Variants in IL17REL observed in about 807,000 individuals in gnomAD.
IL17REL encodes interleukin-17 receptor E-like protein.
In IL17REL, 36 loss-of-function variants were observed where a neutral mutation model predicts 49.0. The observed-to-expected ratio is 0.73, with a 90% confidence interval of 0.56 to 0.97. The LOEUF (loss-of-function observed/expected upper bound fraction) is 0.97. IL17REL is among the 50% of genes least tolerant of loss of function. The pLI, the probability that IL17REL is intolerant of heterozygous loss-of-function variation, is 0.00. For missense variants in IL17REL, 470 were observed against 453.9 expected (o/e 1.04, Z -0.32); for synonymous variants, 206 against 192.4 (o/e 1.07, Z -0.58).
chr22:49,997,927 G>T, intron 9 of IL17REL, 98 bp downstream of exon 11: 1 of 1,505,392 alleles, frequency 6.6e-7, no homozygotes, highest in Non-Finnish European at 9.1e-7. Context: ...GGGAGGCTAG[G>T]CTCCAGGGCT....
At chr22:49,997,588 G>T in intron 10 of IL17REL, 97 bp downstream of exon 12, 2 of 1,442,822 alleles carry the variant, frequency 1.4e-6, no homozygotes, top group Non-Finnish European at 1.9e-6. Flanking sequence ...CCCCACACTG[G>T]CTTGGCACCG....
intron 11 of IL17REL, 122 bp from the exon 14 acceptor site, chr22:49,997,196 A>C (rs2061040750): frequency 2.2e-6 from 3 of 1,376,390 alleles, no homozygotes; most frequent in Admixed American, 2.1e-5. Context: ...CCTCCCTGCC[A>C]GGTAGACTAG....
intron 1 of IL17REL, among the ~76,000 whole-genome samples, chr22:50,002,074 A>G (rs944990369): frequency 2.0e-5 from 3 of 152,218 alleles, no homozygotes; most frequent in African/African-American, 7.2e-5. Context: ...GTTCCAGGCA[A>G]GATTAGGCAG....
intron 10 of IL17REL, 22 bp downstream of exon 12, chr22:49,997,663 G>A (rs1210436768): frequency 1.6e-5 from 25 of 1,608,054 alleles, no homozygotes; most frequent in South Asian, 4.4e-5. Context: ...TCCACATTGC[G>A]TAGGCCTCAT....
chr22:50,007,426 A>G (rs1266577478), intron 1 of IL17REL, among the ~76,000 whole-genome samples: 1 of 152,158 alleles, frequency 6.6e-6, no homozygotes, highest in Non-Finnish European at 1.5e-5. Flanking sequence ...GCTGGAGTGC[A>G]ATGGTGCAAT....
rs763692273 is a variant in IL17REL, at chr22:49,999,460, T to C, written c.517A>G (p.Ser173Gly). 6.2e-6 allele frequency: 10 copies of C among 1,611,358 alleles called. No homozygotes were observed. The South Asian group carries it at 1.1e-4, about 18-fold the overall frequency. ...AGGCACAGGCACGGCAGCTCCTGGC[T>C]GTAGGGCAGGAAGACGGCCTGGGAG... is the stretch of plus-strand genomic sequence containing the variant. The change falls in exon 6 of 13, where the codon AGC becomes GGC. Residue 173 changes from serine (S) to glycine (G), a missense_variant. Coordinates refer to ENST00000341280, the Ensembl canonical transcript of IL17REL.
chr22:50,002,299 C>T (rs1334236934), intron 1 of IL17REL, among the ~76,000 whole-genome samples: 1 of 152,154 alleles, frequency 6.6e-6, no homozygotes, highest in Non-Finnish European at 1.5e-5. Context: ...TGGAGTGCTC[C>T]TTCGCTTCAG....
intron 2 of IL17REL, 21 bp downstream of exon 3, chr22:50,001,061 A>G (rs1308683305): frequency 3.2e-6 from 5 of 1,545,236 alleles, no homozygotes; most frequent in Non-Finnish European, 4.4e-6. Flanking sequence ...GTTAACTCCC[A>G]CCCTCGAGGC....
exon 8 of IL17REL, chr22:49,998,192 C>G: frequency 6.2e-7 from 1 of 1,611,494 alleles, no homozygotes. Context: ...GGCCCCCGGC[C>G]CCGGGCGCCA....
intron 1 of IL17REL, among the ~76,000 whole-genome samples, chr22:50,002,280 C>T (rs1321658966): frequency 6.6e-6 from 1 of 152,302 alleles, no homozygotes; most frequent in African/African-American, 2.4e-5. Flanking sequence ...TCGGCCTGCT[C>T]CCGCTCTGTG....
rs748134034 is a variant in IL17REL, at chr22:49,999,863, G to A, written c.439C>T (p.Arg147Trp). ...GCGCCGGCGTCCTCGCAGGTGAACC[G>A]CTTGAGGCAGAGCCGCAGGTAGTAG... The change falls in exon 5 of 13, where the codon CGG becomes TGG. Residue 147 changes from arginine to tryptophan, a missense_variant. Transcript: ENST00000341280. The A allele has an allele frequency of 6.5e-6, 10 of 1,540,980 alleles. No individual in the cohort carries two copies. In the South Asian group the frequency reaches 9.7e-5, roughly 15 times the overall value.
exon 3 of IL17REL, chr22:50,000,759 G>T: frequency 6.3e-7 from 1 of 1,586,688 alleles, no homozygotes. Context: ...CTCACCTGCT[G>T]CCCCCCCTGC....
upstream of IL17REL, among the ~76,000 whole-genome samples, chr22:50,010,799 G>A (rs2061135861): frequency 9.0e-6 from 1 of 111,080 alleles, no homozygotes; most frequent in African/African-American, 3.9e-5. Context: ...GCGCTGGGGG[G>A]AAGGTGGGGG....
rs1199462350 is a variant in IL17REL at position 49,997,752 on chromosome 22, G to A, written c.820-10C>T. The stretch of plus-strand genomic sequence containing the variant: ...CCCAACTGGTAGAGAACTGCAAAGT[G>A]GGGTGAGGGGTGCAGGAGGGTGGAG... On this transcript the variant is annotated splice_polypyrimidine_tract_variant and intron_variant, in intron 9 of 12. Transcript: ENST00000341280. The A allele has an allele frequency of 3.1e-6, 5 of 1,613,740 alleles. No individual in the cohort carries two copies. The highest frequency in any genetic ancestry group is 4.2e-6 in the Non-Finnish European group (5 of 1,179,856).
chr22:50,001,249 G>GC lies in IL17REL; in HGVS notation c.-41-19dup. ...AATGTTCCCTGGGGAGGGAGAAGGA[G>GC]CGTGAGGCCTCGAGTTCCCTGGTGC... On this transcript the variant is annotated intron_variant, in intron 1 of 12. Transcript: ENST00000341280. The GC allele has an allele frequency of 1.8e-6, 2 of 1,120,448 alleles. No individual in the cohort carries two copies. The highest frequency in any genetic ancestry group is 2.6e-6 in the Non-Finnish European group (2 of 758,972). 69.4% of individuals were successfully genotyped at this position (1,120,448 alleles called of 1,614,324 possible).
exon 13 of IL17REL, chr22:49,996,072 C>G (rs2061032343): frequency 6.6e-6 from 1 of 152,510 alleles, no homozygotes; most frequent in African/African-American, 2.4e-5. Flanking sequence ...TCTGCGGGTA[C>G]TGCCACGGCC....
exon 10 of IL17REL, chr22:49,997,694 G>C (rs751910238): frequency 1.9e-6 from 3 of 1,613,746 alleles, no homozygotes; most frequent in South Asian, 2.2e-5. Flanking sequence ...CTTGGGAAGC[G>C]ACGCTGTTCG....
intron 1 of IL17REL, among the ~76,000 whole-genome samples, chr22:50,008,022 T>C (rs975823938): frequency 2.0e-5 from 3 of 152,094 alleles, no homozygotes; most frequent in South Asian, 4.1e-4. Flanking sequence ...GAGGATCGCT[T>C]GAGCCCAGGA....
At chr22:49,997,416 G>A in exon 11 of IL17REL, 1 of 1,613,336 alleles carries the variant, frequency 6.2e-7, no homozygotes, top group Non-Finnish European at 8.5e-7. Flanking sequence ...AGTGGGCGGG[G>A]CTGGACGAGA....
Sources: gnomAD v4.1 joint callset for allele counts (sites outside exome capture counted in the v4.1 genomes callset) on GRCh38, gnomAD v4.1.1 for gene constraint, MANE v1.5 for transcripts, NCBI Gene and HGNC (gene_info 2026-07-23, HGNC 2026-07-21) for gene names.